AGFG1: variants seen among roughly 807,000 people sequenced by gnomAD.
AGFG1 encodes ArfGAP with FG repeats 1, also known as arf-GAP domain and FG repeat-containing protein 1.
Under a neutral mutation model 60.6 loss-of-function variants are expected in AGFG1, and 10 were observed. The observed-to-expected ratio is 0.16, with a 90% CI of 0.10 to 0.28. The LOEUF is 0.28. Ranked by LOEUF, AGFG1 falls within the 10% of genes least tolerant of loss-of-function variation. AGFG1 has a pLI of 1.00. For missense variants in AGFG1, 537 were observed against 676.5 expected (o/e 0.79, Z 2.29); for synonymous variants, 247 against 242.9 (o/e 1.02, Z -0.16).
intron 2 of AGFG1, among the ~76,000 whole-genome samples, chr2:227,509,709 A>G (rs577823005): frequency 1.6e-4 from 24 of 151,414 alleles, no homozygotes; most frequent in Non-Finnish European, 2.8e-4. Context: ...AAAATAAATT[A>G]TTTTGTAATT....
At chr2:227,546,768 T>C (rs886531487) in intron 10 of AGFG1, among the ~76,000 whole-genome samples, 3 of 152,236 alleles carry the variant, frequency 2.0e-5, no homozygotes, top group African/African-American at 7.2e-5. Context: ...TAATAGAGGT[T>C]AAAATAATTT....
chr2:227,536,798 C>T, intron 9 of AGFG1, 94 bp downstream of exon 9: 1 of 1,548,588 alleles, frequency 6.5e-7, no homozygotes, highest in South Asian at 1.1e-5. Flanking sequence ...GATTTGTTAT[C>T]AGAATCCTTG....
chr2:227,516,938 C>T (rs1196266963), intron 2 of AGFG1, among the ~76,000 whole-genome samples: 1 of 152,094 alleles, frequency 6.6e-6, no homozygotes, highest in Non-Finnish European at 1.5e-5. Flanking sequence ...CCAGGCCTCC[C>T]TTTATGAATG....
chr2:227,519,026 T>G (rs1044733061), intron 2 of AGFG1, among the ~76,000 whole-genome samples: 1 of 152,110 alleles, frequency 6.6e-6, no homozygotes. Flanking sequence ...TACAAAAAAT[T>G]AGCCACCTGT....
intron 7 of AGFG1, 142 bp from the exon 8 acceptor site, chr2:227,534,703 G>T (rs1357650738): frequency 2.4e-6 from 2 of 819,592 alleles, no homozygotes; most frequent in Admixed American, 2.7e-5. Context: ...TATGGTCCAG[G>T]TTATTTATTA....
chr2:227,487,581 A>T (rs1409826599), intron 1 of AGFG1, among the ~76,000 whole-genome samples: 1 of 152,202 alleles, frequency 6.6e-6, no homozygotes, highest in Non-Finnish European at 1.5e-5. Context: ...CATCTTGTAC[A>T]TAGGTGGTCA....
chr2:227,507,733 CTATT>C (rs1691368573), intron 2 of AGFG1, among the ~76,000 whole-genome samples: 2 of 149,602 alleles, frequency 1.3e-5, no homozygotes, highest in African/African-American at 2.5e-5. Context: ...AACATTAAAA[CTATT>C]TATAAATATC....
chr2:227,489,223 G>GT (rs55762248), intron 1 of AGFG1, among the ~76,000 whole-genome samples: 3,280 of 74,806 alleles, frequency 0.044, 185 homozygotes, highest in East Asian at 0.061. Flanking sequence ...AGTTTTGAGA[G>GT]TTTTTTTTTT....
At chr2:227,546,395 C>G (rs1376804496) in intron 10 of AGFG1, among the ~76,000 whole-genome samples, 1 of 152,212 alleles carries the variant, frequency 6.6e-6, no homozygotes, top group African/African-American at 2.4e-5. Context: ...TCTGTCACAG[C>G]TTCTGTTGGC....
At chr2:227,548,986 C>G (rs894698868) in intron 10 of AGFG1, among the ~76,000 whole-genome samples, 2 of 147,576 alleles carry the variant, frequency 1.4e-5, no homozygotes, top group African/African-American at 5.0e-5. Context: ...ATTAATTTTT[C>G]ACAGGCCCTT....
chr2:227,500,771 TTTTAA>T (rs1016724025), intron 2 of AGFG1, among the ~76,000 whole-genome samples: 3 of 152,104 alleles, frequency 2.0e-5, no homozygotes, highest in Non-Finnish European at 2.9e-5. Flanking sequence ...TCTTTTTTAT[TTTTAA>T]ATTAAATTAA....
intron 8 of AGFG1, among the ~76,000 whole-genome samples, chr2:227,536,338 A>G (rs767299188): frequency 6.6e-6 from 1 of 152,140 alleles, no homozygotes; most frequent in South Asian, 2.1e-4. Context: ...TTTAACATGA[A>G]TATTAAGATA....
intron 2 of AGFG1, among the ~76,000 whole-genome samples, chr2:227,496,126 A>AAAGG (rs1217622609): frequency 6.8e-6 from 1 of 147,784 alleles, no homozygotes; most frequent in Non-Finnish European, 1.5e-5. Flanking sequence ...AAAAAAAAAG[A>AAAGG]AAAAAAAAGA....
chr2:227,473,768 A>C (rs575701770), intron 1 of AGFG1, among the ~76,000 whole-genome samples: 21 of 152,374 alleles, frequency 1.4e-4, no homozygotes, highest in African/African-American at 5.0e-4. Flanking sequence ...AAAACTTAGA[A>C]AATGCAGAAC....
At chr2:227,546,382 C>T (rs969839346) in intron 10 of AGFG1, among the ~76,000 whole-genome samples, 1 of 152,204 alleles carries the variant, frequency 6.6e-6, no homozygotes, top group African/African-American at 2.4e-5. Flanking sequence ...TTTCCAGGTA[C>T]CGTCTGTCAC....
intron 5 of AGFG1, among the ~76,000 whole-genome samples, chr2:227,528,200 T>TA (rs1312544721): frequency 6.6e-6 from 1 of 152,228 alleles, no homozygotes; most frequent in Non-Finnish European, 1.5e-5. Context: ...GGACATGCTT[T>TA]AGAAGGAAAC....
At chr2:227,512,674 A>G (rs1410596829) in intron 2 of AGFG1, among the ~76,000 whole-genome samples, 3 of 152,106 alleles carry the variant, frequency 2.0e-5, no homozygotes, top group African/African-American at 7.2e-5. Context: ...CTGTTTGTTA[A>G]TATTTATTTT....
At chr2:227,484,142 T>C (rs1190895278) in intron 1 of AGFG1, among the ~76,000 whole-genome samples, 2 of 152,180 alleles carry the variant, frequency 1.3e-5, no homozygotes, top group Non-Finnish European at 2.9e-5. Context: ...TATTTTAATC[T>C]TCTGTTAATA....
At position 227,558,253 on chromosome 2, in the gene AGFG1, A is replaced by T. The variant is rs975770984; in HGVS notation, c.*3758A>T. 6.6e-6 allele frequency: 1 copy of T among 152,214 alleles called. No individual in the cohort carries two copies. Among genetic ancestry groups the T allele is most frequent in the Admixed American group, 6.5e-5 (1 of 15,278 alleles). The allele number at this position is 152,214 out of a possible 1,614,324, so 9.4% of individuals were successfully genotyped here. On this transcript the variant is annotated 3_prime_UTR_variant, in exon 13 of 13. Transcript: ENST00000310078. ...GGGGAACAGATTTGGATTAAATGCT[A>T]TCACATTTATATATGAATGCATTCT...
Sources: gnomAD v4.1 joint callset for allele counts (sites outside exome capture counted in the v4.1 genomes callset) on GRCh38, gnomAD v4.1.1 for gene constraint, MANE v1.5 for transcripts, NCBI Gene and HGNC (gene_info 2026-07-23, HGNC 2026-07-21) for gene names.